The following CACNG3 variants were observed in gnomAD, a reference collection of about 807,000 sequenced individuals.
The protein encoded by CACNG3 is voltage-dependent calcium channel gamma-3 subunit.
CACNG3 carries 3 observed loss-of-function variants against 28.5 expected under a neutral mutation model. The ratio of observed to expected loss-of-function variants is 0.11; its 90% CI spans 0.05 to 0.27. CACNG3 has a LOEUF of 0.27. CACNG3 is among the 10% of genes least tolerant of loss of function. CACNG3 has a pLI of 1.00. For synonymous variants in CACNG3, 174 were observed against 162.2 expected (o/e 1.07, Z -0.55); for missense variants, 236 against 414.4 (o/e 0.57, Z 3.74).
At position 24,257,131 on chromosome 16, in the gene CACNG3, G is replaced by A. The variant is rs1262937435; in HGVS notation, c.211+166G>A. Among the ~76,000 whole-genome samples, 5 of 152,220 alleles carry A rather than the reference G, an allele frequency of 3.3e-5. 1 individual carries two copies. Among genetic ancestry groups the A allele is most frequent in the African/African-American group, 2.4e-5 (1 of 41,524 alleles). The stretch of plus-strand genomic sequence containing the variant: ...TAACAGCAAGACTGACGCCATGTGG[G>A]TTAAAGGGGTTGGGTCTTGTTGATT... On this transcript the variant is annotated intron_variant, in intron 1 of 3. Transcript: ENST00000005284.
chr16:24,278,994 C>CA (rs1174632124), intron 1 of CACNG3, among the ~76,000 whole-genome samples: 1 of 152,094 alleles, frequency 6.6e-6, no homozygotes, highest in Non-Finnish European at 1.5e-5. Flanking sequence ...CAGCAAATAC[C>CA]AAGGTCTGGA....
At chr16:24,290,667 A>T (rs1431832314) in intron 1 of CACNG3, among the ~76,000 whole-genome samples, 4 of 152,186 alleles carry the variant, frequency 2.6e-5, no homozygotes, top group Admixed American at 2.6e-4. Flanking sequence ...TTGAAGTCCT[A>T]GGCTCAAGTG....
chr16:24,280,636 T>C (rs962793288), intron 1 of CACNG3, among the ~76,000 whole-genome samples: 4 of 151,704 alleles, frequency 2.6e-5, no homozygotes, highest in Non-Finnish European at 5.9e-5. Context: ...GCCAATATGG[T>C]GAAACCCTGT....
At chr16:24,312,220 C>G (rs141166364) in intron 1 of CACNG3, among the ~76,000 whole-genome samples, 1,900 of 152,360 alleles carry the variant, frequency 0.012, 14 homozygotes, top group Non-Finnish European at 0.014. Flanking sequence ...TGTCTCCGCT[C>G]TGCTATGCCA....
intron 1 of CACNG3, among the ~76,000 whole-genome samples, chr16:24,274,716 G>A (rs1004637696): frequency 2.0e-5 from 3 of 152,148 alleles, no homozygotes; most frequent in East Asian, 1.9e-4. Flanking sequence ...GAATATCCCC[G>A]AGATGAGCTA....
At chr16:24,276,489 T>C (rs897269803) in intron 1 of CACNG3, among the ~76,000 whole-genome samples, 1 of 152,214 alleles carries the variant, frequency 6.6e-6, no homozygotes, top group South Asian at 2.1e-4. Context: ...CTTCATATAG[T>C]TGAGGAGAGA....
intron 1 of CACNG3, among the ~76,000 whole-genome samples, chr16:24,304,376 G>C (rs139511599): frequency 0.018 from 2,678 of 152,098 alleles, 30 homozygotes; most frequent in Admixed American, 0.041. Context: ...AAAAATTAAA[G>C]TGCATGTACA....
chr16:24,287,580 C>G (rs550482065), intron 1 of CACNG3, among the ~76,000 whole-genome samples: 1 of 151,404 alleles, frequency 6.6e-6, no homozygotes, highest in African/African-American at 2.4e-5. Flanking sequence ...TCAGAATGAC[C>G]TGGGTAGGAA....
intron 2 of CACNG3, among the ~76,000 whole-genome samples, chr16:24,347,346 G>C (rs2141380287): frequency 6.6e-6 from 1 of 151,610 alleles, no homozygotes; most frequent in Non-Finnish European, 1.5e-5. Flanking sequence ...GAAAGAAAAG[G>C]AGAATGAGAA....
At chr16:24,308,839 C>CA (rs71154298) in intron 1 of CACNG3, among the ~76,000 whole-genome samples, 1,028 of 27,268 alleles carry the variant, frequency 0.038, 143 homozygotes, top group Non-Finnish European at 0.047. Context: ...GAACCTACCT[C>CA]AAAAAAAAAA....
At chr16:24,324,021 G>T (rs1299264124) in intron 1 of CACNG3, among the ~76,000 whole-genome samples, 1 of 152,162 alleles carries the variant, frequency 6.6e-6, no homozygotes, top group Non-Finnish European at 1.5e-5. Flanking sequence ...TGATCTGCCT[G>T]CCTCGGCCTC....
chr16:24,338,145 G>A (rs1054567716), intron 1 of CACNG3, among the ~76,000 whole-genome samples: 4 of 151,996 alleles, frequency 2.6e-5, no homozygotes, highest in African/African-American at 9.7e-5. Flanking sequence ...TCGCCCCAGG[G>A]TCTTTGCATT....
At chr16:24,272,609 A>C (rs17815868) in intron 1 of CACNG3, among the ~76,000 whole-genome samples, 1 of 151,930 alleles carries the variant, frequency 6.6e-6, no homozygotes, top group Non-Finnish European at 1.5e-5. Flanking sequence ...TGTCCTAGAG[A>C]TCTTCCTACA....
chr16:24,354,765 C>T (rs192590652), intron 2 of CACNG3, 68 bp from the exon 3 acceptor site: 134 of 1,526,104 alleles, frequency 8.8e-5, no homozygotes, highest in Non-Finnish European at 1.1e-4. Flanking sequence ...GGCACTCCTG[C>T]GCTTGCAATG....
intron 1 of CACNG3, among the ~76,000 whole-genome samples, chr16:24,310,389 C>G (rs1170979177): frequency 6.6e-6 from 1 of 152,084 alleles, no homozygotes; most frequent in Admixed American, 6.6e-5. Flanking sequence ...CATGACAAAA[C>G]CCTGTCTCTA....
intron 1 of CACNG3, among the ~76,000 whole-genome samples, chr16:24,285,037 A>T (rs776395922): frequency 4.6e-5 from 7 of 151,574 alleles, no homozygotes; most frequent in Non-Finnish European, 7.4e-5. Flanking sequence ...AAAGAAAGAC[A>T]CTCAGAGTGT....
chr16:24,320,094 A>G (rs1332864393), intron 1 of CACNG3, among the ~76,000 whole-genome samples: 1 of 152,216 alleles, frequency 6.6e-6, no homozygotes. Context: ...AACTTTCACA[A>G]GAGAAATGTA....
chr16:24,338,851 G>A (rs781166140), intron 1 of CACNG3, among the ~76,000 whole-genome samples: 14 of 152,178 alleles, frequency 9.2e-5, no homozygotes, highest in Non-Finnish European at 1.6e-4. Context: ...CACTGGATCT[G>A]TCCTCCAGAC....
chr16:24,347,291 C>G (rs1477838502), intron 2 of CACNG3, among the ~76,000 whole-genome samples: 1 of 152,004 alleles, frequency 6.6e-6, no homozygotes, highest in Non-Finnish European at 1.5e-5. Flanking sequence ...GCAGTCCAGC[C>G]TGGGTGACAG....
Sources: gnomAD v4.1 joint callset for allele counts (sites outside exome capture counted in the v4.1 genomes callset) on GRCh38, gnomAD v4.1.1 for gene constraint, MANE v1.5 for transcripts, NCBI Gene and HGNC (gene_info 2026-07-23, HGNC 2026-07-21) for gene names.